FHOD3: variants seen among roughly 807,000 people sequenced by gnomAD.
FHOD3 encodes the protein FH1/FH2 domain-containing protein 3.
Under a neutral mutation model 173.0 loss-of-function variants are expected in FHOD3, and 90 were observed. That is an observed-to-expected ratio of 0.52 (90% confidence interval 0.44 to 0.62). FHOD3 has a LOEUF of 0.62. Ranked by LOEUF, FHOD3 falls within the 20% of genes least tolerant of loss-of-function variation. FHOD3 has a pLI of 0.00. For synonymous variants in FHOD3, 828 were observed against 823.0 expected, an observed-to-expected ratio of 1.01 and a Z score of -0.10; for missense variants, 1,945 against 2,034.7, an observed-to-expected ratio of 0.96 and a Z score of 0.85.
intron 3 of FHOD3, among the ~76,000 whole-genome samples, chr18:36,425,304 C>T (rs982405237): frequency 2.0e-5 from 3 of 152,138 alleles, no homozygotes; most frequent in Admixed American, 2.0e-4. Flanking sequence ...AGGATTCAGG[C>T]ATCTACTGGA....
intron 9 of FHOD3, among the ~76,000 whole-genome samples, chr18:36,622,174 T>C (rs1003972555): frequency 6.6e-6 from 1 of 152,112 alleles, no homozygotes; most frequent in Admixed American, 6.5e-5. Context: ...TACCAGGGGC[T>C]AAGGAGAGGG....
intron 5 of FHOD3, among the ~76,000 whole-genome samples, chr18:36,519,166 C>T (rs1378133784): frequency 2.0e-5 from 3 of 152,208 alleles, no homozygotes; most frequent in Non-Finnish European, 4.4e-5. Context: ...GCACTTGTGT[C>T]CTCCTCTTTC....
chr18:36,713,217 T>C (rs191624024), intron 18 of FHOD3, among the ~76,000 whole-genome samples: 9 of 152,366 alleles, frequency 5.9e-5, no homozygotes, highest in East Asian at 1.9e-4. Flanking sequence ...AAATAGACTT[T>C]CTGCTTATGA....
rs118106387 is a variant in FHOD3, at chr18:36,452,226, G to A, written c.338-49706G>A. ...TAAAAGCATCTCGGGAGCCTTTTCC[G>A]TACTTGTACCACTTTCCAGGACTGT... is the stretch of plus-strand genomic sequence containing the variant. On this transcript the variant is annotated intron_variant, in intron 3 of 28. Transcript: ENST00000590592. Among the ~76,000 whole-genome samples the A allele has an allele frequency of 6.6e-4, 101 of 152,134 alleles. 1 individual carries two copies. Among genetic ancestry groups the A allele is most frequent in the East Asian group, 4.1e-3 (21 of 5,168 alleles).
intron 3 of FHOD3, among the ~76,000 whole-genome samples, chr18:36,412,077 A>T (rs182883081): frequency 6.6e-6 from 1 of 152,236 alleles, no homozygotes; most frequent in African/African-American, 2.4e-5. Context: ...TTATAACCAG[A>T]ACTGTTTCCC....
intron 8 of FHOD3, among the ~76,000 whole-genome samples, chr18:36,604,715 A>G (rs1245281628): frequency 6.6e-6 from 1 of 152,242 alleles, no homozygotes; most frequent in Non-Finnish European, 1.5e-5. Context: ...GTTTATTTTA[A>G]AAATAAAACC....
chr18:36,326,616 TA>T (rs575151274), intron 1 of FHOD3, among the ~76,000 whole-genome samples: 8 of 151,184 alleles, frequency 5.3e-5, no homozygotes, highest in African/African-American at 9.7e-5. Context: ...AAAACATAAT[TA>T]AAAAAAAATT....
At chr18:36,360,459 G>A (rs2046554645) in intron 2 of FHOD3, among the ~76,000 whole-genome samples, 1 of 152,184 alleles carries the variant, frequency 6.6e-6, no homozygotes, top group South Asian at 2.1e-4. Context: ...CAAGGGGGCT[G>A]GTAGTCCTCC....
chr18:36,297,940 G>A lies in FHOD3; in HGVS notation c.105G>A (p.Glu35=). Residue 35 remains glutamate (E), a synonymous_variant, in exon 1 of 29, where the codon GAG becomes GAA. Transcript: ENST00000590592. ...GGCCGCCGCTGTTCACGTTCCGCGA[G>A]GACCTCGCGCTCGGCACCCAGCTGG... ...PSRPPLFTFR[E]DLALGTQLAG... 1 of 1,566,458 alleles carries A rather than the reference G, an allele frequency of 6.4e-7. No homozygotes were observed. Among genetic ancestry groups the A allele is most frequent in the African/African-American group, 1.4e-5 (1 of 72,706 alleles).
At chr18:36,536,384 A>G (rs79490915) in intron 5 of FHOD3, among the ~76,000 whole-genome samples, 1,891 of 152,330 alleles carry the variant, frequency 0.012, 42 homozygotes, top group African/African-American at 0.042. Flanking sequence ...GAGTAATTTT[A>G]TAAATAAGTC....
intron 1 of FHOD3, among the ~76,000 whole-genome samples, chr18:36,299,983 T>C (rs2091916310): frequency 1.3e-5 from 2 of 152,344 alleles, no homozygotes; most frequent in South Asian, 4.1e-4. Context: ...GTTAAGATGA[T>C]ACTAATTTCC....
chr18:36,622,252 T>G (rs912066447), intron 9 of FHOD3, among the ~76,000 whole-genome samples: 1 of 152,244 alleles, frequency 6.6e-6, no homozygotes. Context: ...GTTATAGATA[T>G]GTGCTATACC....
chr18:36,442,865 G>A (rs2051234394), intron 3 of FHOD3, among the ~76,000 whole-genome samples: 1 of 152,088 alleles, frequency 6.6e-6, no homozygotes, highest in African/African-American at 2.4e-5. Context: ...TGTTTCAGTT[G>A]TCACGTCTCC....
intron 3 of FHOD3, among the ~76,000 whole-genome samples, chr18:36,374,304 A>G (rs1379897144): frequency 6.6e-6 from 1 of 152,220 alleles, no homozygotes; most frequent in Admixed American, 6.5e-5. Flanking sequence ...GAGCACCGAC[A>G]GCCTCTGAAG....
chr18:36,473,755 C>G lies in FHOD3; in HGVS notation c.338-28177C>G, dbSNP rs147930425. The stretch of plus-strand genomic sequence containing the variant: ...TGAAAGGAAGATATTTTCACATCAT[C>G]TTTCATCATTCTCAGAGTATGTTAC... On this transcript the variant is annotated intron_variant, in intron 3 of 28. Coordinates refer to ENST00000590592, the MANE Select transcript of FHOD3 (RefSeq NM_001281740.3). Among the ~76,000 whole-genome samples the G allele has an allele frequency of 4.5e-4, 69 of 152,356 alleles. 1 individual carries two copies. In the East Asian group the frequency reaches 0.013, roughly 28 times the overall value.
At chr18:36,688,315 TAAG>T (rs2038757202) in intron 16 of FHOD3, among the ~76,000 whole-genome samples, 1 of 152,348 alleles carries the variant, frequency 6.6e-6, no homozygotes, top group East Asian at 1.9e-4. Context: ...ACTGGGCCAA[TAAG>T]AAGTAGAATT....
chr18:36,750,901 G>A (rs2042376455), intron 24 of FHOD3, among the ~76,000 whole-genome samples: 1 of 152,182 alleles, frequency 6.6e-6, no homozygotes, highest in African/African-American at 2.4e-5. Context: ...ATATTGTAAA[G>A]TTGGGTAGTG....
intron 5 of FHOD3, among the ~76,000 whole-genome samples, chr18:36,560,949 T>C (rs572353341): frequency 6.6e-6 from 1 of 152,062 alleles, no homozygotes; most frequent in African/African-American, 2.4e-5. Context: ...CCTTTTCATA[T>C]ATTTTTTTCT....
intron 5 of FHOD3, among the ~76,000 whole-genome samples, chr18:36,566,171 T>A (rs1250171812): frequency 6.6e-6 from 1 of 152,196 alleles, no homozygotes; most frequent in Non-Finnish European, 1.5e-5. Context: ...CAGGAAGAGA[T>A]CGTCTTTCAA....
Sources: gnomAD v4.1 joint callset for allele counts (sites outside exome capture counted in the v4.1 genomes callset) on GRCh38, gnomAD v4.1.1 for gene constraint, MANE v1.5 for transcripts, NCBI Gene and HGNC (gene_info 2026-07-23, HGNC 2026-07-21) for gene names.